Variants in RARB observed in about 807,000 individuals in gnomAD.
RARB encodes HBV-activated protein.
Under a neutral mutation model 51.9 loss-of-function variants are expected in RARB, and 17 were observed. The ratio of observed to expected loss-of-function variants is 0.33; its 90% CI spans 0.22 to 0.49. RARB has a LOEUF of 0.49. Ranked by LOEUF, RARB falls within the 20% of genes least tolerant of loss-of-function variation. The pLI is 0.99. For missense variants in RARB, 369 were observed against 550.8 expected, an observed-to-expected ratio of 0.67 and a Z score of 3.30; for synonymous variants, 215 against 195.4, an observed-to-expected ratio of 1.10 and a Z score of -0.84.
chr3:24,947,681 T>A (rs1212308205), intron 2 of RARB, among the ~76,000 whole-genome samples: 2 of 152,212 alleles, frequency 1.3e-5, no homozygotes, highest in Non-Finnish European at 2.9e-5. Context: ...GTAGCATGAT[T>A]GGTTTCCTTA....
At chr3:25,402,517 G>T (rs1296489101) in intron 5 of RARB, among the ~76,000 whole-genome samples, 1 of 152,186 alleles carries the variant, frequency 6.6e-6, no homozygotes, top group Non-Finnish European at 1.5e-5. Context: ...TGTTTGTCCA[G>T]TGCTGTTTAC....
chr3:25,031,032 A>G (rs1206121835), intron 2 of RARB, among the ~76,000 whole-genome samples: 3 of 152,132 alleles, frequency 2.0e-5, no homozygotes, highest in South Asian at 2.1e-4. Flanking sequence ...GGGTTTCTTA[A>G]TTTAGCACTA....
chr3:25,324,524 G>T, intron 5 of RARB: 2 of 160,012 alleles, frequency 1.2e-5, no homozygotes, highest in South Asian at 2.0e-4. Flanking sequence ...CCAACTCCAA[G>T]GACACTATCA....
chr3:25,182,673 A>C (rs932686011), intron 5 of RARB, among the ~76,000 whole-genome samples: 3 of 152,202 alleles, frequency 2.0e-5, no homozygotes, highest in African/African-American at 7.2e-5. Flanking sequence ...GTGTGGTGTC[A>C]GGTTCTATCT....
At chr3:25,263,104 C>T (rs1227959246) in intron 5 of RARB, among the ~76,000 whole-genome samples, 1 of 152,168 alleles carries the variant, frequency 6.6e-6, no homozygotes, top group Non-Finnish European at 1.5e-5. Flanking sequence ...TTGAGTTATG[C>T]ATGTTAATGA....
intron 2 of RARB, among the ~76,000 whole-genome samples, chr3:25,469,369 T>G (rs1363183053): frequency 6.6e-6 from 1 of 152,238 alleles, no homozygotes; most frequent in Non-Finnish European, 1.5e-5. Flanking sequence ...ATGCTGTCTT[T>G]GGAGAATATT....
At chr3:24,995,330 A>T (rs950122277) in intron 2 of RARB, among the ~76,000 whole-genome samples, 1 of 151,474 alleles carries the variant, frequency 6.6e-6, no homozygotes, top group Non-Finnish European at 1.5e-5. Flanking sequence ...TTGTGTGTTC[A>T]TTTTGCATTC....
chr3:25,251,101 T>C (rs1245679898), intron 5 of RARB, among the ~76,000 whole-genome samples: 1 of 152,130 alleles, frequency 6.6e-6, no homozygotes, highest in African/African-American at 2.4e-5. Context: ...GAGGAGTGAG[T>C]ACCACATTCC....
At chr3:25,288,366 C>T (rs1278824527) in intron 5 of RARB, among the ~76,000 whole-genome samples, 2 of 137,442 alleles carry the variant, frequency 1.5e-5, no homozygotes, top group African/African-American at 2.7e-5. Context: ...CTTCTTCTCT[C>T]CCTAGTCACG....
chr3:24,928,268 G>C (rs750150500), intron 2 of RARB, among the ~76,000 whole-genome samples: 8 of 151,902 alleles, frequency 5.3e-5, no homozygotes, highest in Non-Finnish European at 1.2e-4. Context: ...GGTCTTGGTG[G>C]ACTGGATTTC....
intron 5 of RARB, among the ~76,000 whole-genome samples, chr3:25,382,549 A>G (rs191986620): frequency 6.6e-6 from 1 of 152,224 alleles, no homozygotes; most frequent in Non-Finnish European, 1.5e-5. Context: ...GATTACGTAT[A>G]CCTCTCTTAT....
chr3:25,250,902 A>G (rs904066158), intron 5 of RARB, among the ~76,000 whole-genome samples: 2 of 152,122 alleles, frequency 1.3e-5, no homozygotes, highest in African/African-American at 4.8e-5. Context: ...ATCTGTAGCA[A>G]TTGGGTGTTG....
chr3:24,880,696 A>G (rs1400634511), intron 2 of RARB, among the ~76,000 whole-genome samples: 2 of 152,140 alleles, frequency 1.3e-5, no homozygotes, highest in African/African-American at 4.8e-5. Context: ...ACATATCTCA[A>G]CAATTTGAAT....
intron 2 of RARB, among the ~76,000 whole-genome samples, chr3:25,489,024 T>C (rs1429400475): frequency 6.6e-6 from 1 of 152,230 alleles, no homozygotes; most frequent in African/African-American, 2.4e-5. Context: ...AAATTAATTG[T>C]GTGTGTTCTG....
chr3:25,396,180 G>A (rs1361354851), intron 5 of RARB, among the ~76,000 whole-genome samples: 2 of 152,176 alleles, frequency 1.3e-5, no homozygotes, highest in Non-Finnish European at 2.9e-5. Context: ...CTTATAATGG[G>A]GAGGGTCTGT....
chr3:25,229,404 T>C (rs1702126354), intron 5 of RARB, among the ~76,000 whole-genome samples: 1 of 152,156 alleles, frequency 6.6e-6, no homozygotes, highest in Non-Finnish European at 1.5e-5. Context: ...CAAAAAAGTT[T>C]TAAAATTCTT....
intron 2 of RARB, among the ~76,000 whole-genome samples, chr3:24,952,628 A>C (rs928027268): frequency 6.6e-6 from 1 of 152,174 alleles, no homozygotes; most frequent in Non-Finnish European, 1.5e-5. Flanking sequence ...GTGGCACAGC[A>C]GGTGCTCAGT....
chr3:25,540,294 A>G (rs1699322434), intron 3 of RARB, among the ~76,000 whole-genome samples: 1 of 152,180 alleles, frequency 6.6e-6, no homozygotes, highest in Admixed American at 6.5e-5. Flanking sequence ...AATCATGCTT[A>G]GTGGAAGGAA....
chr3:24,973,513 T>C (rs927732994), intron 2 of RARB, among the ~76,000 whole-genome samples: 2 of 152,080 alleles, frequency 1.3e-5, no homozygotes, highest in African/African-American at 4.8e-5. Flanking sequence ...ATAACTCATA[T>C]TTTGTTAGGG....
Sources: gnomAD v4.1 joint callset for allele counts (sites outside exome capture counted in the v4.1 genomes callset) on GRCh38, gnomAD v4.1.1 for gene constraint, MANE v1.5 for transcripts, NCBI Gene and HGNC (gene_info 2026-07-23, HGNC 2026-07-21) for gene names.